The following EXOC5 variants were observed in gnomAD, a reference collection of about 807,000 sequenced individuals.
EXOC5 encodes exocyst complex component 5.
In EXOC5, 17 loss-of-function variants were observed where a neutral mutation model predicts 90.8. The observed-to-expected ratio is 0.19, with a 90% confidence interval of 0.13 to 0.28. EXOC5 has a LOEUF of 0.28. Among genes scored for constraint, EXOC5 ranks in the 10% least tolerant of loss-of-function variants. The pLI is 1.00. For missense variants in EXOC5, 569 were observed against 830.6 expected (o/e 0.69, Z 3.87); for synonymous variants, 260 against 270.0 (o/e 0.96, Z 0.36).
chr14:57,216,420 T>C (rs1882975769), intron 15 of EXOC5, among the ~76,000 whole-genome samples: 1 of 152,168 alleles, frequency 6.6e-6, no homozygotes, highest in Non-Finnish European at 1.5e-5. Flanking sequence ...TAATGCAGTA[T>C]GGTACTGGCA....
chr14:57,228,825 T>C (rs528871532), intron 12 of EXOC5, among the ~76,000 whole-genome samples: 61 of 146,992 alleles, frequency 4.1e-4, no homozygotes, highest in African/African-American at 1.5e-3. Context: ...CTGCATGCTC[T>C]GCACACGTAT....
At chr14:57,262,675 T>C (rs200917303) in intron 1 of EXOC5, among the ~76,000 whole-genome samples, 2 of 144,578 alleles carry the variant, frequency 1.4e-5, no homozygotes, top group Non-Finnish European at 3.0e-5. Flanking sequence ...TAAGTGTATA[T>C]ATATACATTA....
At position 57,236,596 on chromosome 14, in the gene EXOC5, T is replaced by C. The variant is rs566936454; in HGVS notation, c.559+742A>G. Among the ~76,000 whole-genome samples the C allele has an allele frequency of 2.6e-5, 4 of 152,294 alleles. No homozygotes were observed. In the East Asian group the frequency reaches 5.8e-4, roughly 22 times the overall value. On this transcript the variant is annotated intron_variant, in intron 6 of 17. Transcript: ENST00000621441. ...CCACCATGTCCGGCCCTATTCACTA[T>C]ATTCTTGAGGCTAGTATGGTTCTTA...
chr14:57,240,505 C>T (rs1285071413), intron 4 of EXOC5, among the ~76,000 whole-genome samples: 2 of 152,078 alleles, frequency 1.3e-5, no homozygotes, highest in Admixed American at 1.3e-4. Context: ...TGGTCTTGAA[C>T]TCCTGACCTT....
In EXOC5 at chr14:57,215,009, T is replaced by C. The variant is rs560346286; in HGVS notation, c.1613+2973A>G. On this transcript the variant is annotated intron_variant, in intron 15 of 17. Transcript: ENST00000621441. ...CTTTTGGAGGCTGAGGCGGGTGGAC[T>C]GCCTGAGGTCAGGAGTTCAAGACCA... Among the ~76,000 whole-genome samples the C allele has an allele frequency of 1.3e-5, 2 of 152,158 alleles. 1 individual carries two copies. The highest frequency in any genetic ancestry group is 4.8e-5 in the African/African-American group (2 of 41,504).
At chr14:57,265,650 G>A (rs999299796) in intron 1 of EXOC5, among the ~76,000 whole-genome samples, 1 of 152,204 alleles carries the variant, frequency 6.6e-6, no homozygotes, top group African/African-American at 2.4e-5. Context: ...GATTGTGCCA[G>A]GAGGGTAGAG....
At chr14:57,216,584 A>G (rs965487906) in intron 15 of EXOC5, among the ~76,000 whole-genome samples, 11 of 152,176 alleles carry the variant, frequency 7.2e-5, no homozygotes, top group African/African-American at 2.4e-4. Flanking sequence ...CTGGATATCT[A>G]CACACAGGAA....
chr14:57,263,803 C>G (rs1415636295), intron 1 of EXOC5, among the ~76,000 whole-genome samples: 2 of 149,388 alleles, frequency 1.3e-5, no homozygotes, highest in East Asian at 4.0e-4. Flanking sequence ...CCTATGGTCT[C>G]AATGCCTTGC....
At chr14:57,250,720 T>C (rs564496053) in intron 1 of EXOC5, among the ~76,000 whole-genome samples, 2 of 152,312 alleles carry the variant, frequency 1.3e-5, no homozygotes, top group Admixed American at 1.3e-4. Flanking sequence ...GGGGCTGATA[T>C]GGGTCTACAG....
chr14:57,235,290 TACC>T, intron 7 of EXOC5, among the ~76,000 whole-genome samples: 1 of 152,258 alleles, frequency 6.6e-6, no homozygotes, highest in South Asian at 2.1e-4. Context: ...TCTTTTGTAT[TACC>T]TCCTGAGGTC....
At chr14:57,258,081 A>T (rs537892043) in intron 1 of EXOC5, among the ~76,000 whole-genome samples, 17 of 152,220 alleles carry the variant, frequency 1.1e-4, no homozygotes, top group Non-Finnish European at 2.4e-4. Flanking sequence ...TATGCTTTAC[A>T]AATGTTACCA....
chr14:57,267,213 T>C (rs534350373), intron 1 of EXOC5, among the ~76,000 whole-genome samples: 6 of 152,190 alleles, frequency 3.9e-5, no homozygotes, highest in Non-Finnish European at 7.4e-5. Context: ...AATTTTGGAA[T>C]TACAGAAATT....
intron 15 of EXOC5, 147 bp downstream of exon 15, chr14:57,217,835 G>GA (rs1230022318): frequency 3.1e-5 from 19 of 618,932 alleles, no homozygotes; most frequent in African/African-American, 3.0e-4. Flanking sequence ...TAATAAGGAT[G>GA]AAGGCAATAT....
intron 5 of EXOC5, among the ~76,000 whole-genome samples, chr14:57,239,291 C>T (rs1001822272): frequency 6.6e-6 from 1 of 152,152 alleles, no homozygotes; most frequent in African/African-American, 2.4e-5. Flanking sequence ...GTATGAAAAT[C>T]CAAATTTAAC....
intron 1 of EXOC5, among the ~76,000 whole-genome samples, chr14:57,250,629 G>A (rs987099906): frequency 6.6e-6 from 1 of 152,160 alleles, no homozygotes; most frequent in East Asian, 1.9e-4. Flanking sequence ...AGATCTGGCA[G>A]AGTCAAACCA....
intron 13 of EXOC5, among the ~76,000 whole-genome samples, chr14:57,220,416 T>G (rs1883094379): frequency 1.3e-5 from 2 of 152,242 alleles, no homozygotes; most frequent in South Asian, 4.1e-4. Flanking sequence ...ACAGTGTAAG[T>G]TTTTAACCAC....
At chr14:57,250,046 A>G (rs1884144375) in intron 1 of EXOC5, among the ~76,000 whole-genome samples, 1 of 152,186 alleles carries the variant, frequency 6.6e-6, no homozygotes, top group Non-Finnish European at 1.5e-5. Flanking sequence ...TGCTGAGATT[A>G]CAGGCATGAG....
At chr14:57,260,782 C>T (rs549747139) in intron 1 of EXOC5, among the ~76,000 whole-genome samples, 19 of 152,264 alleles carry the variant, frequency 1.2e-4, no homozygotes, top group African/African-American at 3.1e-4. Flanking sequence ...TATCAAGGTA[C>T]TAAACCAGGA....
Position 57,203,127 on chromosome 14 carries a change from T to C in EXOC5, c.*5482A>G, listed in dbSNP as rs529769381. On this transcript the variant is annotated 3_prime_UTR_variant, in exon 18 of 18. Transcript: ENST00000621441. ...TAGCAAAAACCTAAAGGTTATTTAT[T>C]TTTCTAAAAACAGGGACTCACTATG... 6.6e-6 allele frequency: 1 copy of C among 152,124 alleles called. No homozygotes were observed. Among genetic ancestry groups the C allele is most frequent in the East Asian group, 1.9e-4 (1 of 5,184 alleles). 9.4% of individuals were successfully genotyped at this position (152,124 alleles called of 1,614,324 possible).
Sources: gnomAD v4.1 joint callset for allele counts (sites outside exome capture counted in the v4.1 genomes callset) on GRCh38, gnomAD v4.1.1 for gene constraint, MANE v1.5 for transcripts, NCBI Gene and HGNC (gene_info 2026-07-23, HGNC 2026-07-21) for gene names.